The following MTX2 variants were observed in gnomAD, a reference collection of about 807,000 sequenced individuals.
The protein encoded by MTX2 is metaxin-2.
MTX2 carries 35 observed loss-of-function variants against 42.3 expected under a neutral mutation model. That is an observed-to-expected ratio of 0.83 (90% confidence interval 0.63 to 1.10). The LOEUF is 1.10. MTX2 is among the 50% of genes least tolerant of loss of function. The pLI is 0.00. For missense variants in MTX2, 307 were observed against 304.1 expected, an observed-to-expected ratio of 1.01 and a Z score of -0.07; for synonymous variants, 119 against 100.9, an observed-to-expected ratio of 1.18 and a Z score of -1.08.
At chr2:176,290,984 T>C (rs1339445876) in intron 1 of MTX2, among the ~76,000 whole-genome samples, 1 of 152,152 alleles carries the variant, frequency 6.6e-6, no homozygotes, top group East Asian at 1.9e-4. Context: ...GTCTCACTCT[T>C]CCCCTTTCCA....
intron 1 of MTX2, among the ~76,000 whole-genome samples, chr2:176,276,419 A>G (rs1692946489): frequency 6.6e-6 from 1 of 152,174 alleles, no homozygotes; most frequent in Admixed American, 6.6e-5. Flanking sequence ...TGCTAATAAT[A>G]ACAATTTGGT....
At position 176,329,291 on chromosome 2, in the gene MTX2, T is replaced by C; in HGVS notation, c.418-10T>C. ...AGGATCACCTTTTTTACAAAATCTTTTTACTTTAGATCACTCATGCTAGGT... is the reference window on the plus strand; with the variant it reads ...AGGATCACCTTTTTTACAAAATCTTCTTACTTTAGATCACTCATGCTAGGT... On this transcript the variant is annotated splice_polypyrimidine_tract_variant and intron_variant, in intron 7 of 9. Transcript: ENST00000249442. The C allele has an allele frequency of 6.3e-7, 1 of 1,583,872 alleles. No homozygotes were observed. Among genetic ancestry groups the C allele is most frequent in the Non-Finnish European group, 8.6e-7 (1 of 1,167,794 alleles).
At chr2:176,279,724 A>G (rs982301180) in intron 1 of MTX2, among the ~76,000 whole-genome samples, 1 of 152,134 alleles carries the variant, frequency 6.6e-6, no homozygotes, top group Admixed American at 6.5e-5. Context: ...TTGTTCTTAC[A>G]TTGAGATTGT....
intron 5 of MTX2, among the ~76,000 whole-genome samples, chr2:176,327,323 T>G (rs1396251051): frequency 6.6e-6 from 1 of 151,098 alleles, no homozygotes; most frequent in East Asian, 1.9e-4. Context: ...TTTCATTTAT[T>G]CAGTTTAGAT....
intron 3 of MTX2, among the ~76,000 whole-genome samples, chr2:176,322,042 G>A (rs1445885304): frequency 1.3e-5 from 2 of 152,194 alleles, no homozygotes; most frequent in South Asian, 4.2e-4. Flanking sequence ...ATTTACTTGA[G>A]GAGATCAGAC....
chr2:176,330,155 A>G (rs12470200), intron 8 of MTX2, among the ~76,000 whole-genome samples: 87,397 of 150,436 alleles, frequency 0.58, 25,596 homozygotes, highest in Admixed American at 0.65. Context: ...TTTTACTCAT[A>G]GTGGGTCAAT....
At chr2:176,273,867 A>G (rs1692881499) in intron 1 of MTX2, among the ~76,000 whole-genome samples, 1 of 151,890 alleles carries the variant, frequency 6.6e-6, no homozygotes, top group African/African-American at 2.4e-5. Context: ...ATACACTGCA[A>G]GCCTCAGTGG....
intron 1 of MTX2, among the ~76,000 whole-genome samples, chr2:176,274,913 G>A (rs1189277052): frequency 6.6e-6 from 1 of 152,094 alleles, no homozygotes; most frequent in African/African-American, 2.4e-5. Flanking sequence ...ACAAAATGAC[G>A]TTGCCTCTCT....
chr2:176,301,230 A>G (rs932518477), intron 3 of MTX2, among the ~76,000 whole-genome samples: 20 of 152,106 alleles, frequency 1.3e-4, no homozygotes, highest in Non-Finnish European at 2.5e-4. Context: ...ATTGCGTTCA[A>G]TCCTTCCCAT....
chr2:176,320,536 C>A (rs945087777), intron 3 of MTX2, among the ~76,000 whole-genome samples: 2 of 152,006 alleles, frequency 1.3e-5, no homozygotes, highest in Non-Finnish European at 2.9e-5. Flanking sequence ...CCTTCTATTT[C>A]GTAAAATATG....
intron 2 of MTX2, 32 bp from the exon 3 acceptor site, chr2:176,297,817 G>T: frequency 1.4e-6 from 2 of 1,467,524 alleles, no homozygotes; most frequent in South Asian, 1.4e-5. Flanking sequence ...ATTCTACTTG[G>T]TTAACATTTA....
intron 3 of MTX2, among the ~76,000 whole-genome samples, chr2:176,319,917 C>T (rs1226525962): frequency 6.6e-6 from 1 of 152,018 alleles, no homozygotes; most frequent in Non-Finnish European, 1.5e-5. Context: ...CCAGGCTGGT[C>T]GTGAACTCTT....
chr2:176,305,803 A>T (rs1255778402), intron 3 of MTX2, among the ~76,000 whole-genome samples: 1 of 152,102 alleles, frequency 6.6e-6, no homozygotes, highest in African/African-American at 2.4e-5. Flanking sequence ...ATGAAGTGAT[A>T]TGTCTTCAAA....
At chr2:176,308,195 T>G (rs1684202623) in intron 3 of MTX2, among the ~76,000 whole-genome samples, 1 of 152,208 alleles carries the variant, frequency 6.6e-6, no homozygotes, top group African/African-American at 2.4e-5. Flanking sequence ...ATGTGATGGA[T>G]TACCTTTATT....
chr2:176,292,486 G>T (rs1205115621), intron 1 of MTX2, among the ~76,000 whole-genome samples: 1 of 152,080 alleles, frequency 6.6e-6, no homozygotes, highest in Non-Finnish European at 1.5e-5. Flanking sequence ...CTTTGACCTT[G>T]GGAAAGAGAA....
At chr2:176,306,963 T>C (rs1262592162) in intron 3 of MTX2, among the ~76,000 whole-genome samples, 2 of 152,238 alleles carry the variant, frequency 1.3e-5, no homozygotes, top group Non-Finnish European at 2.9e-5. Flanking sequence ...TTTGGTGTTT[T>C]AGACATGAAG....
In MTX2 at chr2:176,328,874, C is replaced by G. The variant is rs1254791253; in HGVS notation, c.379C>G (p.Leu127Val). The change falls in exon 7 of 10, where the codon CTG (leucine) becomes GTG (valine). Residue 127 changes from leucine (L) to valine (V), a missense_variant and splice_region_variant. Physicochemically the swap from Leu to Val is conservative, Grantham distance 32. Coordinates refer to ENST00000249442, the MANE Select transcript of MTX2 (RefSeq NM_006554.5). ...TTAGTGACTGTTCTTTTGTTCCTAGCTGTATCTTCAGTGGTGTGATGAAGC... is the reference window on the plus strand; with the variant it reads ...TTAGTGACTGTTCTTTTGTTCCTAGGTGTATCTTCAGTGGTGTGATGAAGC... ...LVNNMLLTAE[L>V]YLQWCDEATV... is the part of the protein sequence containing the mutation. 1 of 1,606,184 alleles carries G rather than the reference C, an allele frequency of 6.2e-7. No homozygotes were observed. The highest frequency in any genetic ancestry group is 1.7e-5 in the Admixed American group (1 of 59,662).
intron 1 of MTX2, among the ~76,000 whole-genome samples, chr2:176,296,342 C>G (rs745672609): frequency 6.6e-6 from 1 of 152,130 alleles, no homozygotes; most frequent in Non-Finnish European, 1.5e-5. Context: ...TTTTTAAATA[C>G]TGCCAGATTG....
In MTX2 at chr2:176,307,417, T is replaced by C. The variant is rs148074564; in HGVS notation, c.135+9522T>C. On this transcript the variant is annotated intron_variant, in intron 3 of 9. Transcript: ENST00000249442. ...CTCTTTTTTGGTTCCATATGAACTTTAGTTTTTTCCAATTCTGTGAAAAAA... is the reference window on the plus strand; with the variant it reads ...CTCTTTTTTGGTTCCATATGAACTTCAGTTTTTTCCAATTCTGTGAAAAAA... 3.2e-4 allele frequency among the ~76,000 whole-genome samples: 49 copies of C among 152,222 alleles called. 2 individuals are homozygous for C. Among genetic ancestry groups the C allele is most frequent in the African/African-American group, 1.0e-3 (43 of 41,566 alleles).
Sources: gnomAD v4.1 joint callset for allele counts (sites outside exome capture counted in the v4.1 genomes callset) on GRCh38, gnomAD v4.1.1 for gene constraint, MANE v1.5 for transcripts, NCBI Gene and HGNC (gene_info 2026-07-23, HGNC 2026-07-21) for gene names.